A4GALT: variants seen among roughly 807,000 people sequenced by gnomAD.
A4GALT encodes lactosylceramide 4-alpha-galactosyltransferase.
For missense variants in A4GALT, 512 were observed against 486.0 expected (o/e 1.05, Z -0.50); for synonymous variants, 257 against 220.7 (o/e 1.16, Z -1.46).
At chr22:42,695,253 T>C (rs945307840) in intron 2 of A4GALT, 1 of 152,132 alleles carries the variant, frequency 6.6e-6, no homozygotes, top group African/African-American at 2.4e-5. Context: ...CGAGGGGCAG[T>C]TGCATCGTTT....
At chr22:42,715,219 C>G (rs542262004) in intron 1 of A4GALT, among the ~76,000 whole-genome samples, 1 of 152,178 alleles carries the variant, frequency 6.6e-6, no homozygotes, top group Admixed American at 6.5e-5. Context: ...AATTCCAAGG[C>G]AACATTGTCT....
At chr22:42,694,846 C>T (rs1371350914) in intron 2 of A4GALT, 3 of 152,232 alleles carry the variant, frequency 2.0e-5, no homozygotes, top group Non-Finnish European at 4.4e-5. Context: ...TCGATAAATA[C>T]TGGCTGTCCA....
rs1374794244 is a variant in A4GALT, at chr22:42,693,608, T to C, written c.344A>G (p.Lys115Arg). The change falls in exon 3 of 3, where the codon AAA (lysine) becomes AGA (arginine). Residue 115 changes from lysine to arginine, a missense_variant. Transcript: ENST00000642412. ...HPESHVLVLM[K>R]GLPGGNASLP... ...AGAGGCGTTGCCACCCGGAAGCCCT[T>C]TCATCAGGACCAGCACGTGGGATTC... 3.1e-6 allele frequency: 5 copies of C among 1,613,526 alleles called. No individual in the cohort carries two copies. The highest frequency in any genetic ancestry group is 4.2e-6 in the Non-Finnish European group (5 of 1,179,960).
At chr22:42,701,734 C>T (rs896433339) in intron 1 of A4GALT, among the ~76,000 whole-genome samples, 2 of 152,144 alleles carry the variant, frequency 1.3e-5, no homozygotes, top group Non-Finnish European at 2.9e-5. Flanking sequence ...CGCAGTGGTC[C>T]GGCTGAGGCA....
intron 1 of A4GALT, among the ~76,000 whole-genome samples, chr22:42,711,780 C>T (rs1276362785): frequency 1.3e-5 from 2 of 152,078 alleles, no homozygotes; most frequent in Non-Finnish European, 2.9e-5. Context: ...ACTACAGATG[C>T]GTGCCACCAC....
upstream of A4GALT, chr22:42,721,031 G>A (rs9607929): frequency 6.6e-6 from 1 of 151,510 alleles, no homozygotes; most frequent in Non-Finnish European, 1.5e-5. Context: ...CCCGGGGCGG[G>A]TGCGGACAGT....
chr22:42,710,576 G>A (rs11704081), intron 1 of A4GALT, among the ~76,000 whole-genome samples: 52,256 of 151,670 alleles, frequency 0.34, 10,139 homozygotes, highest in South Asian at 0.45. Flanking sequence ...ATGCACCTGT[G>A]GTCCCAGATA....
chr22:42,707,374 G>C (rs1380625111), intron 1 of A4GALT, among the ~76,000 whole-genome samples: 1 of 151,990 alleles, frequency 6.6e-6, no homozygotes, highest in Non-Finnish European at 1.5e-5. Context: ...AAAAACACCA[G>C]GCTGGGCATG....
chr22:42,709,817 G>A (rs1343245991), intron 1 of A4GALT, among the ~76,000 whole-genome samples: 1 of 151,974 alleles, frequency 6.6e-6, no homozygotes, highest in Non-Finnish European at 1.5e-5. Context: ...AAAAAATGGG[G>A]GTGATTCAGG....
At position 42,693,777 on chromosome 22, in the gene A4GALT, T is replaced by A. The variant is rs1319432164; in HGVS notation, c.175A>T (p.Ile59Phe). 2 of 1,602,010 alleles carry A rather than the reference T, an allele frequency of 1.2e-6. No homozygotes were observed. The highest frequency in any genetic ancestry group is 1.1e-5 in the South Asian group (1 of 89,756). ...KGQLYNLPAE[I>F]PCPTLTPPTP... ...GGGGGTGTCAAGGTGGGGCAGGGGATCTCTGCTGGCAGGTTATAGAGCTGC... is the reference window on the plus strand; with the variant it reads ...GGGGGTGTCAAGGTGGGGCAGGGGAACTCTGCTGGCAGGTTATAGAGCTGC... Residue 59 changes from isoleucine to phenylalanine, a missense_variant, in exon 3 of 3, where the codon ATC becomes TTC. Transcript: ENST00000642412.
At chr22:42,698,123 C>A (rs1931061842) in intron 1 of A4GALT, among the ~76,000 whole-genome samples, 1 of 152,178 alleles carries the variant, frequency 6.6e-6, no homozygotes, top group South Asian at 2.1e-4. Context: ...TGGTGCACGC[C>A]TGTAGTCTCA....
intron 1 of A4GALT, chr22:42,718,492 T>G (rs940155138): frequency 1.2e-4 from 18 of 152,086 alleles, no homozygotes; most frequent in African/African-American, 3.9e-4. Flanking sequence ...CTCGAACTCC[T>G]GACTTCAAGT....
At position 42,707,489 on chromosome 22, in the gene A4GALT, CTACTAAAA is replaced by C. The variant is rs574142211; in HGVS notation, c.-187-11866_-187-11859del. The stretch of plus-strand genomic sequence containing the variant: ...TGGCCAACATGGTGAAACCCAGTCT[CTACTAAAA>C]ATACAACAAATTAGCCAGGCATGGT... On this transcript the variant is annotated intron_variant, in intron 1 of 2. Transcript: ENST00000642412. 1.5e-3 allele frequency among the ~76,000 whole-genome samples: 223 copies of C among 151,988 alleles called. 1 individual carries two copies. Among genetic ancestry groups the C allele is most frequent in the Non-Finnish European group, 2.5e-3 (168 of 67,972 alleles).
chr22:42,711,132 T>A (rs1210772970), intron 1 of A4GALT, among the ~76,000 whole-genome samples: 1 of 151,716 alleles, frequency 6.6e-6, no homozygotes. Context: ...ATAAGAAGAC[T>A]AACACCCCAA....
rs781505090 is a variant in A4GALT at position 42,693,188 on chromosome 22, G to T, written c.764C>A (p.Thr255Lys). 2 of 1,599,886 alleles carry T rather than the reference G, an allele frequency of 1.3e-6. No individual in the cohort carries two copies. The highest frequency in any genetic ancestry group is 1.7e-5 in the Admixed American group (1 of 57,336). The part of the protein sequence containing the change: ...IWGHQGPQLL[T>K]RVFKKWCSIR... ...GGAACACCACTTCTTGAAGACCCGCGTGAGCAGCTGCGGGCCCTGGTGACC... is the reference window on the plus strand; with the variant it reads ...GGAACACCACTTCTTGAAGACCCGCTTGAGCAGCTGCGGGCCCTGGTGACC... The change falls in exon 3 of 3, where the codon ACG becomes AAG. Residue 255 changes from threonine to lysine, a missense_variant. Thr to Lys is a moderately conservative substitution (Grantham distance 78). Transcript: ENST00000642412.
At chr22:42,710,066 G>A (rs959607812) in intron 1 of A4GALT, among the ~76,000 whole-genome samples, 16 of 152,198 alleles carry the variant, frequency 1.1e-4, no homozygotes, top group African/African-American at 3.6e-4. Flanking sequence ...CAGAGAGTAC[G>A]AATACACAGT....
intron 1 of A4GALT, among the ~76,000 whole-genome samples, chr22:42,698,689 C>T (rs1647623768): frequency 6.6e-6 from 1 of 152,202 alleles, no homozygotes; most frequent in African/African-American, 2.4e-5. Flanking sequence ...CCAACACCAT[C>T]TTAAATAGGA....
intron 1 of A4GALT, among the ~76,000 whole-genome samples, chr22:42,699,191 C>A (rs1349682299): frequency 6.6e-6 from 1 of 152,036 alleles, no homozygotes; most frequent in East Asian, 1.9e-4. Context: ...TCAAGCAATT[C>A]TCCTGCCTCA....
rs552712909 is a variant in A4GALT, at chr22:42,692,507, G to T, written c.*383C>A. On this transcript the variant is annotated 3_prime_UTR_variant, in exon 3 of 3. Transcript: ENST00000642412. The surrounding 1 kb of genome is among the most constrained non-coding windows in gnomAD (Gnocchi z 4.6). The stretch of plus-strand genomic sequence containing the variant: ...CTACCAACAGCCTCCTCTCCTCTCT[G>T]GGAATCTTGTCCCTTCTTCCCCATC... 26 of 379,070 alleles carry T rather than the reference G, an allele frequency of 6.9e-5. 1 individual carries two copies. The highest frequency in any genetic ancestry group is 4.8e-4 in the South Asian group (24 of 49,700). 23.5% of individuals were successfully genotyped at this position (379,070 alleles called of 1,614,324 possible).
Sources: allele counts gnomAD v4.1 joint callset (sites outside exome capture counted in the v4.1 genomes callset), GRCh38; gene constraint gnomAD v4.1.1; non-coding constraint Gnocchi (gnomAD v3.1); transcripts MANE v1.5; gene names NCBI Gene and HGNC (gene_info 2026-07-23, HGNC 2026-07-21).